Variants in TPTE2 observed in about 807,000 individuals in gnomAD.
TPTE2 encodes transmembrane phosphoinositide 3-phosphatase and tensin homolog 2, also known as phosphatidylinositol 3,4,5-trisphosphate 3-phosphatase TPTE2.
In TPTE2, 53 loss-of-function variants were observed where a neutral mutation model predicts 78.6. That is an observed-to-expected ratio of 0.67 (90% CI 0.54 to 0.85). TPTE2 has a LOEUF of 0.85. Among genes scored for constraint, TPTE2 ranks in the 40% least tolerant of loss-of-function variants. TPTE2 has a pLI of 0.00. For synonymous variants in TPTE2, 175 were observed against 206.2 expected (o/e 0.85, Z 1.30); for missense variants, 461 against 623.0 (o/e 0.74, Z 2.77).
chr13:19,554,917 A>G, the TPTE2 span, among the ~76,000 whole-genome samples: 1 of 152,222 alleles, frequency 6.6e-6, no homozygotes, highest in Admixed American at 6.5e-5. Context: ...ACATTTACAG[A>G]GCAATCACAC....
At chr13:19,546,774 G>A in the TPTE2 span, among the ~76,000 whole-genome samples, 1 of 151,968 alleles carries the variant, frequency 6.6e-6, no homozygotes, top group Admixed American at 6.6e-5. Flanking sequence ...ACAGGCATGA[G>A]CCACCACACC....
At chr13:19,455,203 A>G (rs1215585832) in intron 10 of TPTE2, among the ~76,000 whole-genome samples, 1 of 152,232 alleles carries the variant, frequency 6.6e-6, no homozygotes, top group Non-Finnish European at 1.5e-5. Context: ...GTATTTACAA[A>G]TGTATTTTTA....
At chr13:19,551,702 T>C in the TPTE2 span, among the ~76,000 whole-genome samples, 1 of 152,148 alleles carries the variant, frequency 6.6e-6, no homozygotes, top group African/African-American at 2.4e-5. Context: ...ATTATTTACA[T>C]ATAAGACTAA....
chr13:19,447,635 T>C (rs949926515), intron 13 of TPTE2, among the ~76,000 whole-genome samples: 5 of 152,164 alleles, frequency 3.3e-5, no homozygotes, highest in African/African-American at 1.2e-4. Flanking sequence ...TACTGAATTA[T>C]ATAAGTCAGT....
At chr13:19,460,838 C>T (rs1309764322) in intron 10 of TPTE2, among the ~76,000 whole-genome samples, 12 of 152,116 alleles carry the variant, frequency 7.9e-5, no homozygotes, top group East Asian at 7.7e-4. Context: ...TCACAGTAAA[C>T]GGCATTATAT....
chr13:19,437,886 G>T (rs543616110), intron 14 of TPTE2, among the ~76,000 whole-genome samples: 4 of 151,920 alleles, frequency 2.6e-5, no homozygotes, highest in Admixed American at 1.3e-4. Flanking sequence ...CTCTAGTCCT[G>T]GCCCAAAGAG....
At chr13:19,554,377 A>AAAAATAAATAAAT in the TPTE2 span, among the ~76,000 whole-genome samples, 3 of 145,216 alleles carry the variant, frequency 2.1e-5, no homozygotes, top group South Asian at 6.5e-4. Flanking sequence ...TCTGTCTCAA[A>AAAAATAAATAAAT]AAATAAATAA....
At chr13:19,523,057 C>A (rs1870268641) in intron 1 of TPTE2, among the ~76,000 whole-genome samples, 1 of 152,118 alleles carries the variant, frequency 6.6e-6, no homozygotes, top group African/African-American at 2.4e-5. Context: ...CTAAGTCAGG[C>A]CAAATAAAGA....
At chr13:19,560,659 A>C in the TPTE2 span, 1 of 1,550,638 alleles carries the variant, frequency 6.4e-7, no homozygotes, top group South Asian at 1.1e-5. Context: ...CAAGGCATAG[A>C]GCTTCTCAGG....
At chr13:19,560,416 A>C in the TPTE2 span, 83 of 1,608,796 alleles carry the variant, frequency 5.2e-5, no homozygotes, top group East Asian at 7.1e-4. Flanking sequence ...ATCCAGGACT[A>C]AGTCCTCAGC....
chr13:19,551,890 A>C, the TPTE2 span, among the ~76,000 whole-genome samples: 2 of 152,228 alleles, frequency 1.3e-5, no homozygotes, highest in Non-Finnish European at 2.9e-5. Context: ...AAAGTAAATC[A>C]ATCTTTTCTA....
intron 1 of TPTE2, among the ~76,000 whole-genome samples, chr13:19,524,935 G>A (rs1870404218): frequency 6.6e-6 from 1 of 152,206 alleles, no homozygotes; most frequent in Non-Finnish European, 1.5e-5. Context: ...AACAGGAGAT[G>A]CCTGCACAGT....
chr13:19,557,524 G>C, the TPTE2 span, among the ~76,000 whole-genome samples: 1 of 152,204 alleles, frequency 6.6e-6, no homozygotes, highest in Non-Finnish European at 1.5e-5. Context: ...GCAGCTTAGA[G>C]ACGGGAGGCA....
chr13:19,502,344 C>T (rs1163482547), intron 1 of TPTE2, among the ~76,000 whole-genome samples: 3 of 151,154 alleles, frequency 2.0e-5, no homozygotes, highest in African/African-American at 7.3e-5. Flanking sequence ...AAGACACATG[C>T]ACACGTATAT....
chr13:19,460,301 C>T (rs1447860985), intron 10 of TPTE2, among the ~76,000 whole-genome samples: 1 of 152,228 alleles, frequency 6.6e-6, no homozygotes, highest in East Asian at 1.9e-4. Flanking sequence ...GGCTGGGAGT[C>T]GGGTTTCCTT....
Position 19,466,475 on chromosome 13 carries a change from A to G in TPTE2, c.512+750T>C, listed in dbSNP as rs113686157. Reference sequence around the variant, plus strand: ...CCATGAACAAGCTTAGGAAGCCACCATCTACATCCCAGTATACATTTGCTC... The same window carrying G: ...CCATGAACAAGCTTAGGAAGCCACCGTCTACATCCCAGTATACATTTGCTC... On this transcript the variant is annotated intron_variant, in intron 7 of 19. Transcript: ENST00000400230. Among the ~76,000 whole-genome samples, 59 of 152,342 alleles carry G rather than the reference A, an allele frequency of 3.9e-4. 1 individual carries two copies. Among genetic ancestry groups the G allele is most frequent in the African/African-American group, 1.4e-3 (57 of 41,584 alleles).
At chr13:19,531,832 CAGA>C (rs1328368295) in intron 1 of TPTE2, among the ~76,000 whole-genome samples, 1 of 152,028 alleles carries the variant, frequency 6.6e-6, no homozygotes, top group East Asian at 1.9e-4. Flanking sequence ...GAGGCTGAGG[CAGA>C]AGAATTGCTT....
rs759842892 is a variant in TPTE2 at position 19,451,158 on chromosome 13, T to A, written c.802+7A>T. Reference sequence around the variant, plus strand: ...TACAGTAGCAAAATATAGAGTAATGTACATACTGCATAGATTGTAGACTCG... The same window carrying A: ...TACAGTAGCAAAATATAGAGTAATGAACATACTGCATAGATTGTAGACTCG... On this transcript the variant is annotated splice_region_variant and intron_variant, in intron 11 of 19. Transcript: ENST00000400230. 3.1e-6 allele frequency: 5 copies of A among 1,613,194 alleles called. No individual in the cohort carries two copies. In the South Asian group the frequency reaches 5.5e-5, roughly 18 times the overall value.
exon 20 of TPTE2, chr13:19,423,024 C>T (rs1166307931): frequency 6.2e-7 from 1 of 1,607,168 alleles, no homozygotes; most frequent in South Asian, 1.1e-5. Context: ...GAAGGGGGAG[C>T]TATACTTAGT....
Sources: allele counts gnomAD v4.1 joint callset (sites outside exome capture counted in the v4.1 genomes callset), GRCh38; gene constraint gnomAD v4.1.1; transcripts MANE v1.5; gene names NCBI Gene and HGNC (gene_info 2026-07-23, HGNC 2026-07-21).